Variants in RAB11FIP4 observed in about 807,000 individuals in gnomAD.
The protein encoded by RAB11FIP4 is RAB11 family interacting protein 4, also known as rab11 family-interacting protein 4.
RAB11FIP4 carries 23 observed loss-of-function variants against 74.3 expected under a neutral mutation model. The ratio of observed to expected loss-of-function variants is 0.31; its 90% CI spans 0.22 to 0.44. The LOEUF is 0.44. Among genes scored for constraint, RAB11FIP4 ranks in the 20% least tolerant of loss-of-function variants. The probability of loss-of-function intolerance (pLI) is 1.00; values close to 1 mark genes in which losing one functional copy is unlikely to be tolerated. For missense variants in RAB11FIP4, 630 were observed against 863.9 expected, an observed-to-expected ratio of 0.73 and a Z score of 3.39; for synonymous variants, 360 against 359.9, an observed-to-expected ratio of 1.00 and a Z score of 0.00.
chr17:31,486,023 T>C (rs1417307972), intron 3 of RAB11FIP4, among the ~76,000 whole-genome samples: 6 of 151,698 alleles, frequency 4.0e-5, no homozygotes, highest in Admixed American at 6.6e-5. Context: ...ATCATGAGGT[T>C]AGGAGTTCAA....
intron 1 of RAB11FIP4, among the ~76,000 whole-genome samples, chr17:31,404,900 G>A (rs73988051): frequency 0.041 from 6,190 of 152,200 alleles, 424 homozygotes; most frequent in African/African-American, 0.14. Flanking sequence ...GTCTGCCAGG[G>A]TGGAGGGAAG....
intron 1 of RAB11FIP4, among the ~76,000 whole-genome samples, chr17:31,413,945 C>T (rs978170424): frequency 2.0e-5 from 3 of 152,186 alleles, no homozygotes; most frequent in South Asian, 4.1e-4. Flanking sequence ...ACTGGCTGTC[C>T]CAGCTCATGA....
At chr17:31,488,607 A>C (rs1158036021) in intron 3 of RAB11FIP4, among the ~76,000 whole-genome samples, 1 of 152,066 alleles carries the variant, frequency 6.6e-6, no homozygotes, top group African/African-American at 2.4e-5. Flanking sequence ...CCAGCGCCGT[A>C]CCCTTGGGCC....
At chr17:31,530,778 C>T (rs1332148768) in intron 14 of RAB11FIP4, among the ~76,000 whole-genome samples, 2 of 152,206 alleles carry the variant, frequency 1.3e-5, no homozygotes, top group Admixed American at 1.3e-4. Flanking sequence ...CTGGGTTAGG[C>T]TATCACTCCC....
Position 31,488,301 on chromosome 17 carries a change from G to T in RAB11FIP4, c.337-29350G>T, listed in dbSNP as rs1156305041. On this transcript the variant is annotated intron_variant, in intron 3 of 14. Transcript: ENST00000621161. ...AGCGGCGGCCCCGGGGCTGGCGCTC[G>T]CAGGGCTCCGGCGGCGCGCACCTGG... The T allele has an allele frequency of 6.2e-5, 73 of 1,173,148 alleles. 1 individual carries two copies. The East Asian group carries it at 2.7e-3, about 44-fold the overall frequency. 72.7% of individuals were successfully genotyped at this position (1,173,148 alleles called of 1,614,324 possible).
At chr17:31,516,369 T>C (rs1206718358) in intron 3 of RAB11FIP4, among the ~76,000 whole-genome samples, 1 of 152,072 alleles carries the variant, frequency 6.6e-6, no homozygotes, top group Non-Finnish European at 1.5e-5. Flanking sequence ...ACTTTTGTGG[T>C]GGTTTTACCA....
chr17:31,518,500 C>G (rs1044260161), intron 4 of RAB11FIP4: 3 of 152,580 alleles, frequency 2.0e-5, no homozygotes, highest in Non-Finnish European at 4.4e-5. Flanking sequence ...TCACTTAAGC[C>G]CAGGACTTCT....
chr17:31,521,479 C>T, intron 5 of RAB11FIP4, 119 bp downstream of exon 5: 3 of 891,974 alleles, frequency 3.4e-6, no homozygotes, highest in Non-Finnish European at 5.0e-6. Flanking sequence ...TCCTCAGCTA[C>T]TTGAGTTCTG....
At chr17:31,483,027 T>C (rs1010462475) in intron 3 of RAB11FIP4, among the ~76,000 whole-genome samples, 1 of 151,764 alleles carries the variant, frequency 6.6e-6, no homozygotes, top group Admixed American at 6.6e-5. Context: ...ACCCCGTCTC[T>C]ACTAAAAATA....
At chr17:31,416,608 G>A (rs2071150643) in intron 1 of RAB11FIP4, among the ~76,000 whole-genome samples, 1 of 152,216 alleles carries the variant, frequency 6.6e-6, no homozygotes, top group African/African-American at 2.4e-5. Context: ...TGGACTGCTG[G>A]GAGTGAGGAT....
At chr17:31,456,425 T>C (rs932272398) in intron 3 of RAB11FIP4, among the ~76,000 whole-genome samples, 2 of 152,292 alleles carry the variant, frequency 1.3e-5, no homozygotes, top group South Asian at 4.1e-4. Context: ...CAGGCTTGTC[T>C]CGAACTCCTG....
chr17:31,439,113 G>A lies in RAB11FIP4; in HGVS notation c.336+4991G>A, dbSNP rs1567655983. 2.0e-5 allele frequency among the ~76,000 whole-genome samples: 3 copies of A among 152,140 alleles called. No individual in the cohort carries two copies. In the South Asian group the frequency reaches 6.2e-4, roughly 31 times the overall value. ...TGACAGCCAGCCCCATGTCCACCCA[G>A]TGGCTTCAGGGCTCAGGCTGAGCTC... On this transcript the variant is annotated intron_variant, in intron 3 of 14. Transcript: ENST00000621161.
At chr17:31,438,587 A>T (rs1277951026) in intron 3 of RAB11FIP4, among the ~76,000 whole-genome samples, 1 of 151,358 alleles carries the variant, frequency 6.6e-6, no homozygotes, top group Non-Finnish European at 1.5e-5. Flanking sequence ...CCACACCCCC[A>T]TCCCGCTCCT....
chr17:31,436,296 G>A lies in RAB11FIP4; in HGVS notation c.336+2174G>A, dbSNP rs369683552. 1.4e-4 allele frequency among the ~76,000 whole-genome samples: 21 copies of A among 152,252 alleles called. 1 individual carries two copies. In the South Asian group the frequency reaches 1.9e-3, roughly 14 times the overall value. On this transcript the variant is annotated intron_variant, in intron 3 of 14. Transcript: ENST00000621161. ...CCCTAATACGTGCTAATTCCTCGCC[G>A]CCTGCTGCTGTAAGAAAATGGTGCT...
intron 3 of RAB11FIP4, among the ~76,000 whole-genome samples, chr17:31,453,486 C>A (rs533021504): frequency 6.6e-6 from 1 of 152,014 alleles, no homozygotes; most frequent in Non-Finnish European, 1.5e-5. Flanking sequence ...ACTTAGCCTC[C>A]CTGAGCCTCA....
chr17:31,459,327 C>T (rs760632035), intron 3 of RAB11FIP4, among the ~76,000 whole-genome samples: 1 of 152,086 alleles, frequency 6.6e-6, no homozygotes, highest in Non-Finnish European at 1.5e-5. Context: ...CTGAGTAACC[C>T]CACACTGGTA....
intron 1 of RAB11FIP4, among the ~76,000 whole-genome samples, chr17:31,428,975 G>GATT (rs879873370): frequency 3.5e-4 from 53 of 151,906 alleles, no homozygotes; most frequent in Admixed American, 1.2e-3. Flanking sequence ...TGATGATGAT[G>GATT]ATGATTATTA....
chr17:31,419,456 T>G (rs552251869), intron 1 of RAB11FIP4, among the ~76,000 whole-genome samples: 3 of 152,122 alleles, frequency 2.0e-5, no homozygotes, highest in Admixed American at 1.3e-4. Flanking sequence ...CTTGTTATAT[T>G]TTTCATATAT....
chr17:31,457,589 A>G (rs1269192700), intron 3 of RAB11FIP4, among the ~76,000 whole-genome samples: 1 of 151,758 alleles, frequency 6.6e-6, no homozygotes, highest in Non-Finnish European at 1.5e-5. Flanking sequence ...TGGGAAGGAG[A>G]GGAGGAGTCA....
Sources: gnomAD v4.1 joint callset for allele counts (sites outside exome capture counted in the v4.1 genomes callset) on GRCh38, gnomAD v4.1.1 for gene constraint, MANE v1.5 for transcripts, NCBI Gene and HGNC (gene_info 2026-07-23, HGNC 2026-07-21) for gene names.